Variants in ACSS1 observed in about 807,000 individuals in gnomAD.
The protein encoded by ACSS1 is acetyl-coenzyme A synthetase 2-like, mitochondrial.
Under a neutral mutation model 75.3 loss-of-function variants are expected in ACSS1, and 42 were observed. That is an observed-to-expected ratio of 0.56 (90% CI 0.44 to 0.72). ACSS1 has a LOEUF of 0.72. Ranked by LOEUF, ACSS1 falls within the 30% of genes least tolerant of loss-of-function variation. The pLI is 0.00. For missense variants in ACSS1, 782 were observed against 935.7 expected (o/e 0.84, Z 2.14); for synonymous variants, 380 against 376.8 (o/e 1.01, Z -0.10).
intron 1 of ACSS1, among the ~76,000 whole-genome samples, chr20:25,053,372 G>C (rs1046414633): frequency 6.6e-6 from 1 of 151,836 alleles, no homozygotes; most frequent in African/African-American, 2.4e-5. Flanking sequence ...GCCCACAATG[G>C]ACTTTCTTTT....
rs1048992554 is a variant in ACSS1 at position 25,023,550 on chromosome 20, G to A, written c.723C>T (p.His241=). The A allele has an allele frequency of 3.7e-6, 6 of 1,614,052 alleles. No homozygotes were observed. Among genetic ancestry groups the A allele is most frequent in the Non-Finnish European group, 4.2e-6 (5 of 1,180,040 alleles). The change falls in exon 4 of 14, where the codon CAC becomes CAT. Residue 241 remains histidine, a synonymous_variant. Transcript: ENST00000323482. ...LKKIVDEAVK[H]CPTVQHVLVA... ...CCAGGACATGCTGCACGGTGGGGCA[G>A]TGCTTCACAGCCTCATCCACTATTT...
intron 2 of ACSS1, among the ~76,000 whole-genome samples, chr20:25,040,564 G>C (rs1321982556): frequency 2.0e-5 from 3 of 152,256 alleles, no homozygotes; most frequent in Admixed American, 2.0e-4. Flanking sequence ...CCCCAGTGCT[G>C]TGCTGGATAA....
chr20:25,014,162 G>T, intron 8 of ACSS1, 89 bp from the exon 9 acceptor site: 1 of 1,143,464 alleles, frequency 8.7e-7, no homozygotes, highest in Non-Finnish European at 1.3e-6. Context: ...GACTGTCCCT[G>T]TTGTGGGCAA....
At chr20:25,012,769 A>G (rs201800125) in intron 11 of ACSS1, 43 bp downstream of exon 11, 225 of 1,613,210 alleles carry the variant, frequency 1.4e-4, no homozygotes, top group Non-Finnish European at 1.8e-4. Context: ...CAGGGGCATC[A>G]TGGAGGTGTA....
intron 5 of ACSS1, among the ~76,000 whole-genome samples, chr20:25,022,055 C>T (rs138684601): frequency 1.1e-4 from 16 of 152,268 alleles, no homozygotes; most frequent in African/African-American, 3.9e-4. Context: ...AGACTTAAAA[C>T]ACATATCAAC....
At chr20:25,057,103 C>T (rs568038721) in intron 1 of ACSS1, among the ~76,000 whole-genome samples, 45 of 152,266 alleles carry the variant, frequency 3.0e-4, no homozygotes, top group African/African-American at 9.4e-4. Flanking sequence ...CAAAGCAGGC[C>T]CCAGGTCGCT....
rs552550087 is a variant in ACSS1, at chr20:25,008,972, G to T, written c.1890+298C>A. ...GGAAACCTGCCTAGGTGGCCTCCCA[G>T]ACATGTGAGCTTACTGAGCATGTAG... On this transcript the variant is annotated intron_variant, in intron 13 of 13. Transcript: ENST00000323482. Among the ~76,000 whole-genome samples, 4 of 152,292 alleles carry T rather than the reference G, an allele frequency of 2.6e-5. No individual in the cohort carries two copies. In the East Asian group the frequency reaches 5.8e-4, roughly 22 times the overall value.
Position 25,023,592 on chromosome 20 carries a change from G to A in ACSS1, c.681C>T (p.Arg227=), listed in dbSNP as rs751573597. The stretch of plus-strand genomic sequence containing the variant: ...CCACTATTTTCTTCAGCTCCACCAC[G>A]CGCCCACCCCGGAGTCCTTGGTTGA... ...ITFNQGLRGG[R]VVELKKIVDE... The change falls in exon 4 of 14, where the codon CGC becomes CGT. Residue 227 remains arginine (R), a synonymous_variant. Coordinates refer to ENST00000323482, the MANE Select transcript of ACSS1 (RefSeq NM_032501.4). 52 of 1,613,486 alleles carry A rather than the reference G, an allele frequency of 3.2e-5. No individual in the cohort carries two copies. Among genetic ancestry groups the A allele is most frequent in the South Asian group, 1.8e-4 (16 of 91,062 alleles).
intron 13 of ACSS1, among the ~76,000 whole-genome samples, chr20:25,008,207 C>T (rs1318910809): frequency 2.6e-5 from 4 of 152,228 alleles, no homozygotes; most frequent in African/African-American, 4.8e-5. Context: ...TACTGCCGTC[C>T]GTCTGTCCTG....
At chr20:25,043,587 A>G (rs1035285589) in intron 2 of ACSS1, among the ~76,000 whole-genome samples, 1 of 152,128 alleles carries the variant, frequency 6.6e-6, no homozygotes, top group Admixed American at 6.5e-5. Flanking sequence ...GGGTTGGGGG[A>G]GGCCTGACAT....
intron 2 of ACSS1, chr20:25,046,185 T>TGATCCTCACCATC (rs1188271015): frequency 6.6e-6 from 1 of 152,388 alleles, no homozygotes; most frequent in African/African-American, 2.4e-5. Flanking sequence ...CGTCCTCAAG[T>TGATCCTCACCATC]GATCCTCACC....
At chr20:25,037,552 C>G (rs982697343) in intron 2 of ACSS1, among the ~76,000 whole-genome samples, 2 of 152,228 alleles carry the variant, frequency 1.3e-5, no homozygotes, top group Admixed American at 6.5e-5. Context: ...TCACTTCTCT[C>G]CAAGCACCGG....
intron 1 of ACSS1, among the ~76,000 whole-genome samples, chr20:25,057,177 A>ACAGGCCC (rs1039488180): frequency 4.6e-5 from 7 of 151,852 alleles, no homozygotes; most frequent in East Asian, 1.9e-4. Context: ...CTTCCCGTCC[A>ACAGGCCC]CAGGCCCCAG....
chr20:25,028,683 A>C (rs1457153994), intron 3 of ACSS1, among the ~76,000 whole-genome samples: 1 of 152,270 alleles, frequency 6.6e-6, no homozygotes, highest in Non-Finnish European at 1.5e-5. Flanking sequence ...ACGAACAGGG[A>C]GGCCGAGGCG....
chr20:25,017,770 T>G (rs1052566649), intron 7 of ACSS1, among the ~76,000 whole-genome samples: 3 of 152,226 alleles, frequency 2.0e-5, no homozygotes, highest in Non-Finnish European at 4.4e-5. Context: ...TGAAATGCAC[T>G]TAGGGCGGTA....
At position 25,046,786 on chromosome 20, in the gene ACSS1, G is replaced by T. The variant is rs1306690700; in HGVS notation, c.431+1299C>A. The T allele has an allele frequency of 3.8e-6, 3 of 779,486 alleles. No homozygotes were observed. In the African/African-American group the frequency reaches 5.1e-5, roughly 13 times the overall value. The allele number at this position is 779,486 out of a possible 1,614,324, so 48.3% of individuals were successfully genotyped here. A position where few individuals can be genotyped will look rare whatever the true frequency, so the allele number is the denominator to read the frequency against. Reference sequence around the variant, plus strand: ...TCCAGTGTGCAGGGGCCACCTGGGGGGCCGCTCAGTTGTCCAGTGGGGCCC... The same window carrying T: ...TCCAGTGTGCAGGGGCCACCTGGGGTGCCGCTCAGTTGTCCAGTGGGGCCC... On this transcript the variant is annotated intron_variant, in intron 2 of 13. Transcript: ENST00000323482.
intron 1 of ACSS1, among the ~76,000 whole-genome samples, chr20:25,050,201 C>T (rs1436601030): frequency 2.6e-5 from 4 of 152,068 alleles, no homozygotes; most frequent in African/African-American, 9.7e-5. Flanking sequence ...TGAGTCCAGT[C>T]CAATATTTAA....
chr20:25,007,171 T>A lies in ACSS1; in HGVS notation c.*591A>T, dbSNP rs891815340. ...GGTACAAACATCTCCAATTCAGACT[T>A]CCAAATACACTAACAATAATTAAAA... On this transcript the variant is annotated 3_prime_UTR_variant, in exon 14 of 14. Transcript: ENST00000323482. 7.8e-7 allele frequency: 1 copy of A among 1,289,978 alleles called. No homozygotes were observed. Among genetic ancestry groups the A allele is most frequent in the Non-Finnish European group, 9.8e-7 (1 of 1,017,012 alleles). 79.9% of individuals were successfully genotyped at this position (1,289,978 alleles called of 1,614,324 possible).
In ACSS1 at chr20:25,021,430, G is replaced by T. The variant is rs2088622778; in HGVS notation, c.1067C>A (p.Thr356Asn). The T allele has an allele frequency of 1.2e-6, 2 of 1,614,086 alleles. No homozygotes were observed. The highest frequency in any genetic ancestry group is 3.3e-5 in the Admixed American group (2 of 59,998). The change falls in exon 6 of 14, where the codon ACC (threonine) becomes AAC (asparagine). Residue 356 changes from threonine (T) to asparagine (N), a missense_variant. Physicochemically the swap from Thr to Asn is moderately conservative, Grantham distance 65. Coordinates refer to ENST00000323482, the MANE Select transcript of ACSS1 (RefSeq NM_032501.4). ...VVYGPLCNGA[T>N]SVLFESTPVY... ...TGGGGTGCTCTCAAAAAGGACGCTG[G>T]TGGCACCATTGCAGAGAGGCCCATA...
Sources: allele counts gnomAD v4.1 joint callset (sites outside exome capture counted in the v4.1 genomes callset), GRCh38; gene constraint gnomAD v4.1.1; transcripts MANE v1.5; gene names NCBI Gene and HGNC (gene_info 2026-07-23, HGNC 2026-07-21).